The following PLOD2 variants were observed in gnomAD, a reference collection of about 807,000 sequenced individuals.
The protein encoded by PLOD2 is lysine hydroxylase 2.
A neutral mutation model predicts 101.0 loss-of-function variants in PLOD2; 65 were observed. That is an observed-to-expected ratio of 0.64 (90% CI 0.53 to 0.79). The LOEUF (loss-of-function observed/expected upper bound fraction) is 0.79, where lower values mean the gene tolerates loss of function less well. Among genes scored for constraint, PLOD2 ranks in the 30% least tolerant of loss-of-function variants. The probability of loss-of-function intolerance (pLI) is 0.00; values close to 1 mark genes in which losing one functional copy is unlikely to be tolerated. For synonymous variants in PLOD2, 314 were observed against 302.9 expected, an observed-to-expected ratio of 1.04 and a Z score of -0.38; for missense variants, 909 against 914.6, an observed-to-expected ratio of 0.99 and a Z score of 0.08.
intron 1 of PLOD2, among the ~76,000 whole-genome samples, chr3:146,134,526 C>T (rs567857031): frequency 9.8e-5 from 15 of 152,286 alleles, no homozygotes; most frequent in Middle Eastern, 3.4e-3. Flanking sequence ...ATGGGGTAAC[C>T]CATCTGCTAG....
chr3:146,080,573 T>C (rs1936502771), intron 12 of PLOD2, among the ~76,000 whole-genome samples: 2 of 152,012 alleles, frequency 1.3e-5, no homozygotes, highest in Non-Finnish European at 2.9e-5. Context: ...ACATGAAGTG[T>C]ATTCCAGATC....
At chr3:146,138,951 C>T (rs1270741753) in intron 1 of PLOD2, among the ~76,000 whole-genome samples, 3 of 152,106 alleles carry the variant, frequency 2.0e-5, no homozygotes, top group Non-Finnish European at 2.9e-5. Flanking sequence ...GAAAGACTAG[C>T]TCCAGAGGCT....
intron 17 of PLOD2, 37 bp from the exon 18 acceptor site, chr3:146,071,460 C>A (rs1936131030): frequency 6.3e-7 from 1 of 1,587,348 alleles, no homozygotes; most frequent in Non-Finnish European, 8.6e-7. Flanking sequence ...AGCTGTACTC[C>A]ACGTGCAATT....
At chr3:146,138,892 T>G (rs1274500395) in intron 1 of PLOD2, among the ~76,000 whole-genome samples, 1 of 152,194 alleles carries the variant, frequency 6.6e-6, no homozygotes, top group Admixed American at 6.6e-5. Context: ...TTAACTGTGT[T>G]GCCCAACTTT....
intron 7 of PLOD2, among the ~76,000 whole-genome samples, chr3:146,096,887 G>GA (rs1443393801): frequency 1.3e-4 from 16 of 127,050 alleles, no homozygotes; most frequent in East Asian, 2.6e-4. Context: ...AGGTGGGGGG[G>GA]GGGAGTCGGC....
chr3:146,153,135 A>G (rs975468280), intron 1 of PLOD2, among the ~76,000 whole-genome samples: 44 of 152,180 alleles, frequency 2.9e-4, no homozygotes, highest in African/African-American at 1.1e-3. Flanking sequence ...GCTGGCTTGG[A>G]CAAGACCGGA....
At chr3:146,117,561 TGACC>T (rs1317385800) in intron 3 of PLOD2, among the ~76,000 whole-genome samples, 1 of 152,186 alleles carries the variant, frequency 6.6e-6, no homozygotes, top group African/African-American at 2.4e-5. Flanking sequence ...TACTTTCTCA[TGACC>T]CCTAGGTTTT....
chr3:146,144,014 A>C (rs1334286232), intron 1 of PLOD2, among the ~76,000 whole-genome samples: 4 of 151,972 alleles, frequency 2.6e-5, no homozygotes, highest in Non-Finnish European at 5.9e-5. Context: ...GAGCGTTTAT[A>C]CTGTGGTCCC....
intron 1 of PLOD2, 41 bp downstream of exon 1, chr3:146,160,840 G>C: frequency 7.6e-7 from 1 of 1,311,706 alleles, no homozygotes; most frequent in Non-Finnish European, 1.1e-6. Context: ...CCCCCCGCCG[G>C]CCGAGCCTCG....
At chr3:146,133,408 C>T (rs1367506894) in intron 1 of PLOD2, among the ~76,000 whole-genome samples, 1 of 152,052 alleles carries the variant, frequency 6.6e-6, no homozygotes, top group Non-Finnish European at 1.5e-5. Context: ...ATAATTTTTC[C>T]AATCTGTACA....
chr3:146,077,823 T>C (rs1936397831), intron 14 of PLOD2, 39 bp downstream of exon 14: 1 of 1,249,572 alleles, frequency 8.0e-7, no homozygotes, highest in Admixed American at 1.8e-5. Context: ...TATCAAATAT[T>C]AAATAAACAA....
chr3:146,113,149 G>A (rs551369777), intron 3 of PLOD2, among the ~76,000 whole-genome samples: 19 of 152,154 alleles, frequency 1.2e-4, no homozygotes, highest in African/African-American at 2.4e-4. Context: ...ATAATTTAGC[G>A]TTTTATAAGC....
intron 1 of PLOD2, among the ~76,000 whole-genome samples, chr3:146,124,936 C>A (rs1472556813): frequency 1.3e-5 from 2 of 152,066 alleles, no homozygotes; most frequent in Non-Finnish European, 1.5e-5. Context: ...CATAACACTT[C>A]TTTTTAGTAA....
At chr3:146,148,365 C>CACACACAG (rs1458558641) in intron 1 of PLOD2, among the ~76,000 whole-genome samples, 1 of 151,780 alleles carries the variant, frequency 6.6e-6, no homozygotes, top group Non-Finnish European at 1.5e-5. Context: ...CACACACACA[C>CACACACAG]ACACTTTTCA....
At chr3:146,143,628 A>G (rs778825192) in intron 1 of PLOD2, among the ~76,000 whole-genome samples, 6 of 152,030 alleles carry the variant, frequency 3.9e-5, no homozygotes, top group Non-Finnish European at 8.8e-5. Context: ...ATATAGCTGT[A>G]ACTCTATCAA....
intron 1 of PLOD2, among the ~76,000 whole-genome samples, chr3:146,128,852 A>G (rs545885278): frequency 1.0e-3 from 156 of 150,528 alleles, no homozygotes; most frequent in Non-Finnish European, 1.6e-3. Context: ...CCAAATGCTA[A>G]AGCAGCTTCT....
chr3:146,099,686 C>T (rs1005239176), intron 7 of PLOD2, among the ~76,000 whole-genome samples: 1 of 151,904 alleles, frequency 6.6e-6, no homozygotes, highest in African/African-American at 2.4e-5. Flanking sequence ...AACCACCGCA[C>T]CAGCCTAAAT....
intron 11 of PLOD2, among the ~76,000 whole-genome samples, chr3:146,083,937 TCAAATA>T (rs1301017237): frequency 6.6e-6 from 1 of 151,816 alleles, no homozygotes; most frequent in Non-Finnish European, 1.5e-5. Context: ...GGGATATATG[TCAAATA>T]CATAGTGTAA....
At chr3:146,104,112 T>C (rs1937487728) in intron 6 of PLOD2, among the ~76,000 whole-genome samples, 167 bp downstream of exon 6, 1 of 152,240 alleles carries the variant, frequency 6.6e-6, no homozygotes, top group African/African-American at 2.4e-5. Context: ...TAATTTAATG[T>C]ACTGATGTTA....
Sources: allele counts gnomAD v4.1 joint callset (sites outside exome capture counted in the v4.1 genomes callset), GRCh38; gene constraint gnomAD v4.1.1; transcripts MANE v1.5; gene names NCBI Gene and HGNC (gene_info 2026-07-23, HGNC 2026-07-21).